NF1: variants seen among roughly 807,000 people sequenced by gnomAD.
NF1 encodes the protein neurofibromin 1.
In NF1, 122 loss-of-function variants were observed where a neutral mutation model predicts 325.7. That is an observed-to-expected ratio of 0.37 (90% CI 0.32 to 0.44). The LOEUF (loss-of-function observed/expected upper bound fraction) is 0.44. NF1 is among the 20% of genes least tolerant of loss of function. The pLI, the probability that NF1 is intolerant of heterozygous loss-of-function variation, is 1.00. For synonymous variants in NF1, 1,091 were observed against 1,186.0 expected (o/e 0.92, Z 1.65); for missense variants, 2,140 against 3,415.4 (o/e 0.63, Z 9.31).
At chr17:31,231,023 CT>C (rs1259194138) in intron 24 of NF1, 98 bp downstream of exon 24, 3 of 951,600 alleles carry the variant, frequency 3.2e-6, no homozygotes, top group Non-Finnish European at 4.9e-6. Context: ...TGTATTTAAA[CT>C]TTTGAGATGT....
At chr17:31,323,099 G>A (rs1230467554) in intron 36 of NF1, among the ~76,000 whole-genome samples, 1 of 152,052 alleles carries the variant, frequency 6.6e-6, no homozygotes, top group Non-Finnish European at 1.5e-5. Context: ...TGAGAAGATT[G>A]TTTAAAAATT....
intron 14 of NF1, among the ~76,000 whole-genome samples, chr17:31,220,860 A>G (rs1168157210): frequency 6.6e-6 from 1 of 152,184 alleles, no homozygotes; most frequent in Non-Finnish European, 1.5e-5. Flanking sequence ...ACGTTTTTGT[A>G]CAATAGTAGC....
rs564545012 is a variant in NF1 at position 31,358,463 on chromosome 17, C to CT, written c.7971-8dup. 7.0e-5 allele frequency: 112 copies of CT among 1,598,508 alleles called. No individual in the cohort carries two copies. Among genetic ancestry groups the CT allele is most frequent in the Middle Eastern group, 3.3e-4 (2 of 6,022 alleles). On this transcript the variant is annotated splice_polypyrimidine_tract_variant and intron_variant, in intron 54 of 57. Coordinates refer to ENST00000358273, the MANE Select transcript of NF1 (RefSeq NM_001042492.3). The stretch of plus-strand genomic sequence containing the variant: ...TTCCTCTAAAATGTTCCTCTGTTGA[C>CT]TTTTTTTTTCTTTTAGGCATAATTT...
At chr17:31,242,079 A>T (rs1269448303) in intron 29 of NF1, among the ~76,000 whole-genome samples, 1 of 151,604 alleles carries the variant, frequency 6.6e-6, no homozygotes, top group East Asian at 1.9e-4. Flanking sequence ...CTGGCCTCTA[A>T]GGTTTCCACT....
intron 12 of NF1, among the ~76,000 whole-genome samples, chr17:31,209,110 A>G (rs1046452379): frequency 1.3e-5 from 2 of 152,068 alleles, no homozygotes; most frequent in African/African-American, 4.8e-5. Flanking sequence ...CTAGATGCCA[A>G]TATTCCCTTT....
At chr17:31,151,516 T>G (rs753779122) in intron 1 of NF1, among the ~76,000 whole-genome samples, 21 of 152,182 alleles carry the variant, frequency 1.4e-4, no homozygotes, top group Non-Finnish European at 2.9e-4. Flanking sequence ...TGCTATAAAA[T>G]TGTCTCTCAG....
chr17:31,162,035 CAAAAA>C (rs781244510), intron 3 of NF1, among the ~76,000 whole-genome samples: 1 of 54,176 alleles, frequency 1.8e-5, no homozygotes, highest in African/African-American at 8.1e-5. Context: ...GACTCCATCT[CAAAAA>C]AAAAAAAAAA....
chr17:31,245,734 T>C (rs1165167338), intron 29 of NF1, among the ~76,000 whole-genome samples: 4 of 152,216 alleles, frequency 2.6e-5, no homozygotes, highest in African/African-American at 4.8e-5. Flanking sequence ...CAGGCACCTC[T>C]ATGTGTTCGG....
At chr17:31,307,076 G>A (rs1369448043) in intron 36 of NF1, among the ~76,000 whole-genome samples, 2 of 151,966 alleles carry the variant, frequency 1.3e-5, no homozygotes, top group Non-Finnish European at 2.9e-5. Flanking sequence ...AGGCTGGAGT[G>A]TAGTGGCACA....
intron 5 of NF1, among the ~76,000 whole-genome samples, chr17:31,179,227 T>C (rs542968979): frequency 2.6e-5 from 4 of 152,246 alleles, no homozygotes; most frequent in East Asian, 3.9e-4. Flanking sequence ...ACCACACAAC[T>C]ACATGGAAAC....
Position 31,147,830 on chromosome 17 carries a change from G to A in NF1, c.61-8153G>A, listed in dbSNP as rs1298017422. ...TTGCTTTTCAGAAGTTTTTAGTTTAGCCTTTTTACCCTCTTCCACTCACTG... is the reference window on the plus strand; with the variant it reads ...TTGCTTTTCAGAAGTTTTTAGTTTAACCTTTTTACCCTCTTCCACTCACTG... On this transcript the variant is annotated intron_variant, in intron 1 of 57. Coordinates refer to ENST00000358273, the MANE Select transcript of NF1 (RefSeq NM_001042492.3). Among the ~76,000 whole-genome samples, 7 of 152,290 alleles carry A rather than the reference G, an allele frequency of 4.6e-5. No individual in the cohort carries two copies. The East Asian group carries it at 1.4e-3, about 29-fold the overall frequency.
chr17:31,226,307 T>C, intron 17 of NF1, 128 bp from the exon 18 acceptor site: 1 of 957,014 alleles, frequency 1.0e-6, no homozygotes. Flanking sequence ...TTGTGAGTTA[T>C]TGTATGCGGA....
chr17:31,250,148 A>G (rs2067470553), intron 30 of NF1: 1 of 349,150 alleles, frequency 2.9e-6, no homozygotes, highest in Non-Finnish European at 5.6e-6. Context: ...GATAAAACAT[A>G]CTTAACCTTG....
chr17:31,249,501 A>G (rs1029107475), intron 30 of NF1, among the ~76,000 whole-genome samples: 8 of 152,038 alleles, frequency 5.3e-5, no homozygotes, highest in Non-Finnish European at 7.4e-5. Flanking sequence ...TGCTTTTTGC[A>G]TTGTGAATTG....
At chr17:31,095,855 A>G (rs1911650638) in intron 1 of NF1, among the ~76,000 whole-genome samples, 1 of 152,042 alleles carries the variant, frequency 6.6e-6, no homozygotes, top group Non-Finnish European at 1.5e-5. Context: ...TAGGAGAACG[A>G]TAACATTCCG....
At chr17:31,356,924 G>A in intron 52 of NF1, 36 bp from the exon 53 acceptor site, 1 of 1,612,506 alleles carries the variant, frequency 6.2e-7, no homozygotes, top group African/African-American at 1.3e-5. Flanking sequence ...TGATTATCCA[G>A]GTGTTTGATC....
chr17:31,221,563 G>T (rs931992107), intron 14 of NF1, among the ~76,000 whole-genome samples: 3 of 152,036 alleles, frequency 2.0e-5, no homozygotes, highest in African/African-American at 7.2e-5. Flanking sequence ...GTTTCTTAAA[G>T]CAGTTTTTAC....
rs189180798 is a variant in NF1, at chr17:31,143,342, C to T, written c.61-12641C>T. On this transcript the variant is annotated intron_variant, in intron 1 of 57. Coordinates refer to ENST00000358273, the MANE Select transcript of NF1 (RefSeq NM_001042492.3). The stretch of plus-strand genomic sequence containing the variant: ...AGTGCTGTGGCGCAATTATGGCTCA[C>T]TGCAGCCTCAACCTCCTGGGCTCAA... Among the ~76,000 whole-genome samples, 459 of 152,226 alleles carry T rather than the reference C, an allele frequency of 3.0e-3. 1 individual carries two copies. Among genetic ancestry groups the T allele is most frequent in the African/African-American group, 9.0e-3 (373 of 41,522 alleles).
intron 11 of NF1, among the ~76,000 whole-genome samples, chr17:31,202,452 C>T (rs1276003233): frequency 6.6e-6 from 1 of 152,146 alleles, no homozygotes; most frequent in African/African-American, 2.4e-5. Context: ...TCTATCCATT[C>T]CTGCAGTGGA....
Sources: gnomAD v4.1 joint callset for allele counts (sites outside exome capture counted in the v4.1 genomes callset) on GRCh38, gnomAD v4.1.1 for gene constraint, MANE v1.5 for transcripts, NCBI Gene and HGNC (gene_info 2026-07-23, HGNC 2026-07-21) for gene names.